Variants in IGFN1 observed in about 807,000 individuals in gnomAD.
IGFN1 encodes immunoglobulin like and fibronectin type III domain containing 1, also known as immunoglobulin-like and fibronectin type III domain-containing protein 1.
In IGFN1, 253 loss-of-function variants were observed where a neutral mutation model predicts 289.5. That is an observed-to-expected ratio of 0.87 (90% CI 0.79 to 0.97). IGFN1 has a LOEUF of 0.97. IGFN1 is among the 50% of genes least tolerant of loss of function. IGFN1 has a pLI of 0.00. For missense variants in IGFN1, 4,470 were observed against 4,686.1 expected, an observed-to-expected ratio of 0.95 and a Z score of 1.35; for synonymous variants, 1,706 against 1,788.5, an observed-to-expected ratio of 0.95 and a Z score of 1.16.
intron 10 of IGFN1, among the ~76,000 whole-genome samples, chr1:201,204,639 G>C (rs1667318100): frequency 6.6e-6 from 1 of 152,244 alleles, no homozygotes; most frequent in African/African-American, 2.4e-5. Flanking sequence ...GAGTCAGCCA[G>C]ACCTGGGTGT....
intron 5 of IGFN1, among the ~76,000 whole-genome samples, chr1:201,197,569 G>A (rs1666973504): frequency 6.6e-6 from 1 of 152,206 alleles, no homozygotes; most frequent in Non-Finnish European, 1.5e-5. Flanking sequence ...AAATGAGCAG[G>A]ACCTGAAAGC....
In IGFN1 at chr1:201,221,733, C is replaced by A. The variant is rs1400768241; in HGVS notation, c.10188C>A (p.Ala3396=). 2 of 1,590,758 alleles carry A rather than the reference C, an allele frequency of 1.3e-6. No homozygotes were observed. The highest frequency in any genetic ancestry group is 1.7e-6 in the Non-Finnish European group (2 of 1,165,974). Residue 3396 remains alanine (A), a synonymous_variant, in exon 19 of 24, where the codon GCC becomes GCA. Transcript: ENST00000335211. ...GTGCCCTGGACACATTAGTGCAAGC[C>A]ATGCCTGTTACTGGTGAGTGCTGCC... ...QPSALDTLVQ[A]MPVTVCPKFL... is the part of the protein sequence containing the mutation.
At chr1:201,214,031 T>G in intron 12 of IGFN1, 146 bp from the exon 13 acceptor site, 2 of 793,500 alleles carry the variant, frequency 2.5e-6, no homozygotes, top group Non-Finnish European at 3.8e-6. Flanking sequence ...ACCAGGGCAT[T>G]GGAGCCAAGA....
intron 18 of IGFN1, among the ~76,000 whole-genome samples, chr1:201,219,434 G>A (rs1022282527): frequency 4.6e-5 from 7 of 152,230 alleles, no homozygotes; most frequent in African/African-American, 1.7e-4. Flanking sequence ...AGCAAAAAAT[G>A]TCTGTGATTA....
At chr1:201,215,875 G>A (rs762635631) in intron 15 of IGFN1, 37 bp downstream of exon 15, 111 of 1,592,720 alleles carry the variant, frequency 7.0e-5, no homozygotes, top group Non-Finnish European at 9.2e-5. Context: ...AGGCCTGAGA[G>A]TCCCTGGGGT....
Position 201,209,321 on chromosome 1 carries a change from AG to A in IGFN1, c.4430del (p.Gly1477ValfsTer6). ...AGAGAATGGATTCAGGGAGCAAGGC[AG>A]GTTACAGGGGTGGTTTAAGGGGTTC... ...PERMDSGSKA[G>X]YRGGLRGSGE... On this transcript the variant is annotated frameshift_variant, in exon 12 of 24. Transcript: ENST00000335211. LOFTEE classifies it high-confidence loss of function. The A allele has an allele frequency of 6.7e-7, 1 of 1,482,002 alleles. No individual in the cohort carries two copies. The highest frequency in any genetic ancestry group is 1.4e-5 in the African/African-American group (1 of 70,492). 91.8% of individuals were successfully genotyped at this position (1,482,002 alleles called of 1,614,324 possible). A position where few individuals can be genotyped will look rare whatever the true frequency, so the allele number is the denominator to read the frequency against.
rs572225706 is a variant in IGFN1, at chr1:201,201,856, G to T, written c.747+24G>T. The T allele has an allele frequency of 8.9e-5, 84 of 942,720 alleles. No individual in the cohort carries two copies. The East Asian group carries it at 1.0e-3, about 12-fold the overall frequency. 58.4% of individuals were successfully genotyped at this position (942,720 alleles called of 1,614,324 possible). A position where few individuals can be genotyped will look rare whatever the true frequency, so the allele number is the denominator to read the frequency against. On this transcript the variant is annotated intron_variant, in intron 9 of 23. Transcript: ENST00000335211. ...AGGTGAGGCTGGAGGGGCTATGGGT[G>T]GGGGGGATCTGGCAGGGATGCTTCA...
Position 201,194,327 on chromosome 1 carries a change from C to A in IGFN1, c.127+54C>A. On this transcript the variant is annotated intron_variant, in intron 3 of 23. Transcript: ENST00000335211. ...AGGCAAGATTCTTGCTCTCCTACCTCCCAGGGGAGAGGGCTGGGGCACCAA... is the reference window on the plus strand; with the variant it reads ...AGGCAAGATTCTTGCTCTCCTACCTACCAGGGGAGAGGGCTGGGGCACCAA... The A allele has an allele frequency of 3.9e-6, 6 of 1,541,710 alleles. 1 individual carries two copies. In the South Asian group the frequency reaches 7.2e-5, roughly 19 times the overall value.
intron 8 of IGFN1, among the ~76,000 whole-genome samples, chr1:201,201,481 C>T (rs535346369): frequency 4.6e-5 from 7 of 152,358 alleles, no homozygotes; most frequent in African/African-American, 1.7e-4. Context: ...AAAAGCCCCA[C>T]TGTGTTCTAG....
Position 201,201,794 on chromosome 1 carries a change from G to C in IGFN1, c.709G>C (p.Asp237His). The C allele has an allele frequency of 6.6e-7, 1 of 1,518,452 alleles. No individual in the cohort carries two copies. The highest frequency in any genetic ancestry group is 1.4e-5 in the African/African-American group (1 of 72,118). The allele number at this position is 1,518,452 out of a possible 1,614,324, so 94.1% of individuals were successfully genotyped here. The part of the protein sequence containing the change: ...DGNAKFDLEL[D>H]LKDSQSKIYL... ...GAATGCAAAGTTTGACTTGGAGCTGGATCTCAAGGATTCTCAGAGCAAGAT... is the reference window on the plus strand; with the variant it reads ...GAATGCAAAGTTTGACTTGGAGCTGCATCTCAAGGATTCTCAGAGCAAGAT... Residue 237 changes from aspartate to histidine, a missense_variant, in exon 9 of 24, where the codon GAT becomes CAT. Around this residue, in one of 8 missense-constraint regions of IGFN1, gnomAD observed 2,011 missense variants for 1,953.4 expected, o/e 1.03. Transcript: ENST00000335211.
Position 201,218,544 on chromosome 1 carries a change from G to C in IGFN1, c.9784G>C (p.Val3262Leu). Residue 3262 changes from valine to leucine, a missense_variant, in exon 18 of 24, where the codon GTG becomes CTG. Coordinates refer to ENST00000335211, the MANE Select transcript of IGFN1 (RefSeq NM_001164586.2). ...DQPVPERRWTVADVRQGCQYE... is the reference protein window; with the variant it reads ...DQPVPERRWTLADVRQGCQYE... Reference sequence around the variant, plus strand: ...GCTGTTCACAGAGAGGAGGTGGACGGTGGCGGACGTGCGGCAGGGCTGTCA... The same window carrying C: ...GCTGTTCACAGAGAGGAGGTGGACGCTGGCGGACGTGCGGCAGGGCTGTCA... 6.2e-7 allele frequency: 1 copy of C among 1,613,244 alleles called. No individual in the cohort carries two copies.
chr1:201,190,852 G>C lies in IGFN1; in HGVS notation c.-103G>C, dbSNP rs565933003. 3 of 152,654 alleles carry C rather than the reference G, an allele frequency of 2.0e-5. No homozygotes were observed. Among genetic ancestry groups the C allele is most frequent in the Non-Finnish European group, 4.4e-5 (3 of 68,316 alleles). The allele number at this position is 152,654 out of a possible 1,614,324, so 9.5% of individuals were successfully genotyped here. A position where few individuals can be genotyped will look rare whatever the true frequency, so the allele number is the denominator to read the frequency against. On this transcript the variant is annotated 5_prime_UTR_variant, in exon 1 of 24. Coordinates refer to ENST00000335211, the MANE Select transcript of IGFN1 (RefSeq NM_001164586.2). ...CAATCCAGAGCCTCAGCAAGCAGCA[G>C]CTGGAAACGGGGAAGAGGGAGCAGA...
chr1:201,205,994 C>T, intron 11 of IGFN1, 89 bp from the exon 12 acceptor site: 1 of 979,364 alleles, frequency 1.0e-6, no homozygotes, highest in East Asian at 2.6e-5. Context: ...CAGGCAGGTG[C>T]TTTGGCCGGA....
Position 201,214,235 on chromosome 1 carries a change from C to T in IGFN1, c.8787C>T (p.Ala2929=), listed in dbSNP as rs2282415. 543,589 of 1,610,330 alleles carry T rather than the reference C, an allele frequency of 0.34. 92,969 individuals carry two copies. Among genetic ancestry groups the T allele is most frequent in the South Asian group, 0.38 (34,070 of 90,650 alleles). The change falls in exon 13 of 24, where the codon GCC becomes GCT. Residue 2929 remains alanine (A), a synonymous_variant. Transcript: ENST00000335211. The part of the protein sequence containing the change: ...LADMEVQPGE[A]ATLSCTLTSD... The stretch of plus-strand genomic sequence containing the variant: ...ACATGGAAGTGCAGCCGGGGGAGGC[C>T]GCCACACTCTCCTGTACCCTCACCA...
In IGFN1 at chr1:201,211,533, T is replaced by C; in HGVS notation, c.6640T>C (p.Tyr2214His). The C allele has an allele frequency of 6.6e-7, 1 of 1,521,496 alleles. No individual in the cohort carries two copies. Among genetic ancestry groups the C allele is most frequent in the South Asian group, 1.2e-5 (1 of 82,440 alleles). The allele number at this position is 1,521,496 out of a possible 1,614,324, so 94.2% of individuals were successfully genotyped here. A position where few individuals can be genotyped will look rare whatever the true frequency, so the allele number is the denominator to read the frequency against. ...EEMGSVNKAG[Y>H]RKDLGAPKGM... ...AATGGGGTCAGTGAATAAGGCAGGT[T>C]ATAGGAAGGATTTGGGGGCTCCTAA... Residue 2214 changes from tyrosine to histidine, a missense_variant, in exon 12 of 24, where the codon TAT becomes CAT. By Grantham distance (83) the Tyr-to-His change is moderately conservative. Around this residue, in one of 8 missense-constraint regions of IGFN1, gnomAD observed 2,218 missense variants for 2,114.1 expected, o/e 1.05. Transcript: ENST00000335211.
At chr1:201,218,062 C>T (rs769260841) in intron 17 of IGFN1, among the ~76,000 whole-genome samples, 3 of 152,206 alleles carry the variant, frequency 2.0e-5, no homozygotes, top group South Asian at 2.1e-4. Context: ...ATGCGTGCTG[C>T]GGAAGTCCAG....
rs142457675 is a variant in IGFN1 at position 201,224,558 on chromosome 1, C to T, written c.10291-121C>T. ...TCTTGTCGACGTTGTGTTTTCTGGT[C>T]GACTTTCTCCTTGTAGAAGACTCTT... On this transcript the variant is annotated intron_variant, in intron 20 of 23. Transcript: ENST00000335211. 543 of 745,588 alleles carry T rather than the reference C, an allele frequency of 7.3e-4. 1 individual carries two copies. In the African/African-American group the frequency reaches 8.5e-3, roughly 12 times the overall value. The allele number at this position is 745,588 out of a possible 1,614,324, so 46.2% of individuals were successfully genotyped here.
rs1208914149 is a variant in IGFN1, at chr1:201,206,341, G to A, written c.1448G>A (p.Trp483Ter). The A allele has an allele frequency of 1.3e-6, 2 of 1,550,362 alleles. No individual in the cohort carries two copies. Among genetic ancestry groups the A allele is most frequent in the Non-Finnish European group, 1.7e-6 (2 of 1,147,004 alleles). Residue 483 changes from tryptophan (W) to a stop codon, truncating the protein, a stop_gained, in exon 12 of 24, where the codon TGG (tryptophan) becomes TAG (stop). Transcript: ENST00000335211. LOFTEE classifies it high-confidence loss of function. Reference sequence around the variant, plus strand: ...GACAAAGGGACAGCTGACTCAGCCTGGGGCCCTGGACAGGAGGGCGAGGGC... The same window carrying A: ...GACAAAGGGACAGCTGACTCAGCCTAGGGCCCTGGACAGGAGGGCGAGGGC... Reference protein sequence around the residue: ...MGDKGTADSAWGPGQEGEGFP... With the variant: ...MGDKGTADSA
chr1:201,214,969 G>A (rs4915496), intron 13 of IGFN1, 44 bp from the exon 14 acceptor site: 428,629 of 1,593,056 alleles, frequency 0.27, 58,817 homozygotes, highest in East Asian at 0.28. Context: ...AAGGAACTGG[G>A]ATGGGAGTGG....
Sources: allele counts gnomAD v4.1 joint callset (sites outside exome capture counted in the v4.1 genomes callset), GRCh38; gene constraint gnomAD v4.1.1; regional missense constraint gnomAD v4.1.1; transcripts MANE v1.5; gene names NCBI Gene and HGNC (gene_info 2026-07-23, HGNC 2026-07-21).